EDIL3: variants seen among roughly 807,000 people sequenced by gnomAD.
EDIL3 encodes EGF like and discoidin domains 3.
EDIL3 carries 37 observed loss-of-function variants against 67.4 expected under a neutral mutation model. That is an observed-to-expected ratio of 0.55 (90% confidence interval 0.42 to 0.72). The LOEUF (loss-of-function observed/expected upper bound fraction) is 0.72, where lower values mean the gene tolerates loss of function less well. EDIL3 is among the 30% of genes least tolerant of loss of function. The pLI is 0.00. For synonymous variants in EDIL3, 195 were observed against 196.3 expected (o/e 0.99, Z 0.05); for missense variants, 527 against 586.3 (o/e 0.90, Z 1.04).
At chr5:84,318,251 C>A (rs927065370) in intron 1 of EDIL3, among the ~76,000 whole-genome samples, 1 of 152,120 alleles carries the variant, frequency 6.6e-6, no homozygotes, top group African/African-American at 2.4e-5. Flanking sequence ...TTTACAGTTT[C>A]AATGCTATCC....
intron 5 of EDIL3, among the ~76,000 whole-genome samples, chr5:84,108,956 A>G (rs1325275833): frequency 3.9e-5 from 6 of 152,184 alleles, no homozygotes; most frequent in Non-Finnish European, 5.9e-5. Flanking sequence ...AGATATCTTC[A>G]CAGAATTTGT....
In EDIL3 at chr5:84,280,601, T is replaced by C. The variant is rs1485172652; in HGVS notation, c.68-26389A>G. ...GAATTCTGTCTTTGTCATAGACTAG[T>C]TTTGTAAGTTTGGAAAAATCACTGA... On this transcript the variant is annotated intron_variant, in intron 1 of 10. Coordinates refer to ENST00000296591, the MANE Select transcript of EDIL3 (RefSeq NM_005711.5). Among the ~76,000 whole-genome samples the C allele has an allele frequency of 3.9e-5, 6 of 152,184 alleles. No individual in the cohort carries two copies. The East Asian group carries it at 1.2e-3, about 29-fold the overall frequency.
chr5:84,007,004 T>G (rs1745428872), intron 9 of EDIL3, among the ~76,000 whole-genome samples: 1 of 152,050 alleles, frequency 6.6e-6, no homozygotes, highest in African/African-American at 2.4e-5. Flanking sequence ...GTAAACTCAT[T>G]TTTGACAAGG....
intron 1 of EDIL3, among the ~76,000 whole-genome samples, chr5:84,355,939 A>G (rs1747470263): frequency 1.3e-5 from 2 of 152,198 alleles, no homozygotes; most frequent in South Asian, 4.1e-4. Flanking sequence ...TTTAATTATA[A>G]GCCCCTGACT....
intron 10 of EDIL3, among the ~76,000 whole-genome samples, chr5:83,956,160 C>A (rs938185093): frequency 1.3e-5 from 2 of 151,746 alleles, no homozygotes; most frequent in Non-Finnish European, 2.9e-5. Flanking sequence ...CCTCTCTCTG[C>A]TCATCTCTAT....
At chr5:84,111,586 A>G (rs1747565505) in intron 5 of EDIL3, among the ~76,000 whole-genome samples, 1 of 152,232 alleles carries the variant, frequency 6.6e-6, no homozygotes, top group South Asian at 2.1e-4. Flanking sequence ...TATGCTCTTA[A>G]AAGATTCACA....
At chr5:84,131,208 A>C (rs1291174942) in intron 5 of EDIL3, among the ~76,000 whole-genome samples, 1 of 152,120 alleles carries the variant, frequency 6.6e-6, no homozygotes, top group Non-Finnish European at 1.5e-5. Flanking sequence ...TAGGTATTTT[A>C]CATATGCTAT....
intron 5 of EDIL3, among the ~76,000 whole-genome samples, chr5:84,121,963 A>G (rs1747783942): frequency 6.6e-6 from 1 of 152,016 alleles, no homozygotes; most frequent in Admixed American, 6.6e-5. Flanking sequence ...CTCGCATCTT[A>G]TAAAGAGCCT....
chr5:84,324,035 C>G (rs183561088), intron 1 of EDIL3, among the ~76,000 whole-genome samples: 349 of 151,886 alleles, frequency 2.3e-3, no homozygotes, highest in African/African-American at 8.1e-3. Flanking sequence ...AATCAGAGGA[C>G]TTAATCAACA....
At chr5:84,120,046 T>C (rs1747745484) in intron 5 of EDIL3, among the ~76,000 whole-genome samples, 1 of 152,020 alleles carries the variant, frequency 6.6e-6, no homozygotes, top group Non-Finnish European at 1.5e-5. Flanking sequence ...AATCTGTTTT[T>C]GAGATTTTTA....
intron 3 of EDIL3, among the ~76,000 whole-genome samples, chr5:84,204,804 T>A (rs1445046252): frequency 1.2e-4 from 17 of 138,394 alleles, no homozygotes; most frequent in Admixed American, 7.2e-4. Flanking sequence ...GGCCAATATT[T>A]AAAAAAAAAA....
intron 5 of EDIL3, among the ~76,000 whole-genome samples, chr5:84,112,557 T>C (rs923031533): frequency 6.6e-6 from 1 of 152,202 alleles, no homozygotes; most frequent in Non-Finnish European, 1.5e-5. Flanking sequence ...AGGATCTGCT[T>C]GTCTTACCTT....
At chr5:84,214,704 G>A (rs1199794202) in intron 3 of EDIL3, among the ~76,000 whole-genome samples, 1 of 151,320 alleles carries the variant, frequency 6.6e-6, no homozygotes, top group African/African-American at 2.4e-5. Context: ...ATCCTATAAG[G>A]AAGAACTAAG....
intron 3 of EDIL3, among the ~76,000 whole-genome samples, chr5:84,219,725 C>T (rs1431992770): frequency 6.6e-6 from 1 of 152,058 alleles, no homozygotes; most frequent in Admixed American, 6.6e-5. Flanking sequence ...TGTTCATCTA[C>T]AGATGAATGG....
At chr5:84,034,511 G>C (rs767204972) in intron 9 of EDIL3, among the ~76,000 whole-genome samples, 1 of 152,098 alleles carries the variant, frequency 6.6e-6, no homozygotes, top group Non-Finnish European at 1.5e-5. Flanking sequence ...ACTCTACATA[G>C]TAGACACTGC....
At chr5:84,062,625 T>G (rs1401028011) in intron 8 of EDIL3, among the ~76,000 whole-genome samples, 1 of 152,134 alleles carries the variant, frequency 6.6e-6, no homozygotes, top group East Asian at 1.9e-4. Flanking sequence ...AAGTCATACT[T>G]CTTTCAGTGT....
intron 1 of EDIL3, among the ~76,000 whole-genome samples, chr5:84,284,275 G>T (rs1745764894): frequency 6.6e-6 from 1 of 152,024 alleles, no homozygotes; most frequent in Admixed American, 6.6e-5. Context: ...GCTCCTTTTA[G>T]TCTTTATCTC....
intron 6 of EDIL3, among the ~76,000 whole-genome samples, chr5:84,072,097 A>T (rs1298983415): frequency 6.6e-6 from 1 of 152,072 alleles, no homozygotes; most frequent in Non-Finnish European, 1.5e-5. Flanking sequence ...TCTCAGAGAT[A>T]AAAAAATGGG....
intron 1 of EDIL3, among the ~76,000 whole-genome samples, chr5:84,364,244 A>C (rs1266026679): frequency 6.6e-6 from 1 of 152,194 alleles, no homozygotes; most frequent in Non-Finnish European, 1.5e-5. Context: ...TATGCCAAAA[A>C]GACAAGTAGT....
Sources: allele counts gnomAD v4.1 joint callset (sites outside exome capture counted in the v4.1 genomes callset), GRCh38; gene constraint gnomAD v4.1.1; transcripts MANE v1.5; gene names NCBI Gene and HGNC (gene_info 2026-07-23, HGNC 2026-07-21).